Variants in METTL2B observed in about 807,000 individuals in gnomAD.
METTL2B encodes the protein methyltransferase 2B, tRNA N3-cytidine, also known as tRNA N(3)-cytidine methyltransferase METTL2B.
METTL2B carries 28 observed loss-of-function variants against 51.0 expected under a neutral mutation model. The observed-to-expected ratio is 0.55, with a 90% CI of 0.41 to 0.75. The LOEUF (loss-of-function observed/expected upper bound fraction) is 0.75, where lower values mean the gene tolerates loss of function less well. Among genes scored for constraint, METTL2B ranks in the 30% least tolerant of loss-of-function variants. The pLI, the probability that METTL2B is intolerant of heterozygous loss-of-function variation, is 0.00. For missense variants in METTL2B, 313 were observed against 460.7 expected, an observed-to-expected ratio of 0.68 and a Z score of 2.93; for synonymous variants, 128 against 166.3, an observed-to-expected ratio of 0.77 and a Z score of 1.77.
intron 6 of METTL2B, among the ~76,000 whole-genome samples, chr7:128,494,744 C>T (rs1419954985): frequency 6.6e-6 from 1 of 152,164 alleles, no homozygotes; most frequent in Non-Finnish European, 1.5e-5. Context: ...TGTCCTGCCT[C>T]AACCTCCCGA....
rs547570176 is a variant in METTL2B at position 128,501,340 on chromosome 7, C to A, written c.982+372C>A. ...CCCTGGGTTCTAGGGGTGCCGGGAA[C>A]TGCTCTCCTCTGCAACTGGCCCATC... is the stretch of plus-strand genomic sequence containing the variant. On this transcript the variant is annotated intron_variant, in intron 8 of 8. Coordinates refer to ENST00000262432, the MANE Select transcript of METTL2B (RefSeq NM_018396.3). 2.1e-5 allele frequency: 21 copies of A among 985,362 alleles called. No homozygotes were observed. In the African/African-American group the frequency reaches 3.1e-4, roughly 15 times the overall value. 61.0% of individuals were successfully genotyped at this position (985,362 alleles called of 1,614,324 possible). A position where few individuals can be genotyped will look rare whatever the true frequency, so the allele number is the denominator to read the frequency against.
intron 4 of METTL2B, among the ~76,000 whole-genome samples, chr7:128,487,619 A>G (rs959248977): frequency 6.6e-6 from 1 of 152,202 alleles, no homozygotes; most frequent in Non-Finnish European, 1.5e-5. Flanking sequence ...CTAAGATAAT[A>G]CACAATGCAT....
In METTL2B at chr7:128,503,285, A is replaced by G. The variant is rs1219124542; in HGVS notation, c.*1369A>G. Reference sequence around the variant, plus strand: ...ACAGAGGAAGACTCTGTCTCAAAAAAATAAAAGAAAAGAATTTTCACTTTT... The same window carrying G: ...ACAGAGGAAGACTCTGTCTCAAAAAGATAAAAGAAAAGAATTTTCACTTTT... On this transcript the variant is annotated 3_prime_UTR_variant, in exon 9 of 9. Coordinates refer to ENST00000262432, the MANE Select transcript of METTL2B (RefSeq NM_018396.3). The G allele has an allele frequency of 6.6e-6, 1 of 150,546 alleles. No homozygotes were observed. The highest frequency in any genetic ancestry group is 1.5e-5 in the Non-Finnish European group (1 of 68,036). 9.3% of individuals were successfully genotyped at this position (150,546 alleles called of 1,614,324 possible).
At chr7:128,501,214 C>G in intron 8 of METTL2B, 1 of 985,454 alleles carries the variant, frequency 1.0e-6, no homozygotes, top group African/African-American at 1.7e-5. Context: ...CTGCCACTGT[C>G]CAAAATGGGA....
chr7:128,493,066 C>T (rs1422586252), intron 5 of METTL2B, among the ~76,000 whole-genome samples: 3 of 151,982 alleles, frequency 2.0e-5, no homozygotes, highest in East Asian at 1.9e-4. Flanking sequence ...GTAGGGGAGT[C>T]AGGAATGTTC....
Position 128,503,573 on chromosome 7 carries a change from T to G in METTL2B, c.*1657T>G, listed in dbSNP as rs1441689488. 1 of 152,186 alleles carries G rather than the reference T, an allele frequency of 6.6e-6. No individual in the cohort carries two copies. Among genetic ancestry groups the G allele is most frequent in the Non-Finnish European group, 1.5e-5 (1 of 68,046 alleles). The allele number at this position is 152,186 out of a possible 1,614,324, so 9.4% of individuals were successfully genotyped here. A position where few individuals can be genotyped will look rare whatever the true frequency, so the allele number is the denominator to read the frequency against. ...CCTCAGCCTCCTGAGTAGCTAGGAC[T>G]GCAGGTGGGCACCATCATGCCTAGC... On this transcript the variant is annotated 3_prime_UTR_variant, in exon 9 of 9. Transcript: ENST00000262432.
chr7:128,482,301 A>G (rs1048059085), intron 4 of METTL2B, among the ~76,000 whole-genome samples: 3 of 151,964 alleles, frequency 2.0e-5, no homozygotes, highest in East Asian at 3.9e-4. Context: ...TTAAGGGTGC[A>G]TGCCACCACA....
At chr7:128,489,625 A>ATTT (rs1427871191) in intron 5 of METTL2B, among the ~76,000 whole-genome samples, 4 of 102,524 alleles carry the variant, frequency 3.9e-5, no homozygotes, top group Admixed American at 1.3e-4. Context: ...GTGACTGGCA[A>ATTT]TTTCTTTTTT....
chr7:128,498,495 TAA>T (rs906590769), intron 7 of METTL2B, among the ~76,000 whole-genome samples: 1 of 144,212 alleles, frequency 6.9e-6, no homozygotes. Context: ...AGTATAATTT[TAA>T]AAAAAAAAAA....
At chr7:128,496,260 G>A (rs1792921456) in intron 6 of METTL2B, among the ~76,000 whole-genome samples, 1 of 152,082 alleles carries the variant, frequency 6.6e-6, no homozygotes, top group African/African-American at 2.4e-5. Context: ...AATTGCAGAG[G>A]TTGACCAGGC....
chr7:128,488,384 C>A lies in METTL2B; in HGVS notation c.669+223C>A, dbSNP rs928586257. 3 of 729,636 alleles carry A rather than the reference C, an allele frequency of 4.1e-6. No homozygotes were observed. In the Admixed American group the frequency reaches 6.2e-5, roughly 15 times the overall value. The allele number at this position is 729,636 out of a possible 1,614,324, so 45.2% of individuals were successfully genotyped here. On this transcript the variant is annotated intron_variant, in intron 5 of 8. Coordinates refer to ENST00000262432, the MANE Select transcript of METTL2B (RefSeq NM_018396.3). Reference sequence around the variant, plus strand: ...CATATATTGAAAGTCTGTGGCAACCCTGCATCAAGCAAGCCTACCAGTGCC... The same window carrying A: ...CATATATTGAAAGTCTGTGGCAACCATGCATCAAGCAAGCCTACCAGTGCC...
chr7:128,485,538 C>T (rs544032481), intron 4 of METTL2B, among the ~76,000 whole-genome samples: 143 of 152,188 alleles, frequency 9.4e-4, no homozygotes, highest in African/African-American at 3.3e-3. Flanking sequence ...TGGTGGCAGG[C>T]ACCTGTAGTC....
Position 128,504,711 on chromosome 7 carries a change from T to A in METTL2B, c.*2795T>A, listed in dbSNP as rs1793096473. 1.3e-5 allele frequency: 2 copies of A among 150,414 alleles called. No homozygotes were observed. Among genetic ancestry groups the A allele is most frequent in the African/African-American group, 4.9e-5 (2 of 41,098 alleles). 9.3% of individuals were successfully genotyped at this position (150,414 alleles called of 1,614,324 possible). A position where few individuals can be genotyped will look rare whatever the true frequency, so the allele number is the denominator to read the frequency against. On this transcript the variant is annotated 3_prime_UTR_variant, in exon 9 of 9. Transcript: ENST00000262432. ...TAGGCCGGGTGCAGTGGCTCACGCCTGTAATCCCAGCACTTTGGGAGGCCG... is the reference window on the plus strand; with the variant it reads ...TAGGCCGGGTGCAGTGGCTCACGCCAGTAATCCCAGCACTTTGGGAGGCCG...
chr7:128,492,765 T>C (rs1267901642), intron 5 of METTL2B, among the ~76,000 whole-genome samples: 8 of 151,720 alleles, frequency 5.3e-5, no homozygotes, highest in Admixed American at 6.6e-5. Flanking sequence ...TACAGGCACC[T>C]GCCACCACAC....
intron 4 of METTL2B, chr7:128,484,234 T>TTTTTTTTTTTTTTTTG (rs1792656739): frequency 7.9e-6 from 1 of 127,214 alleles, no homozygotes; most frequent in African/African-American, 3.0e-5. Context: ...TTTTTTTTTT[T>TTTTTTTTTTTTTTTTG]TTTTTTTTTT....
intron 5 of METTL2B, 58 bp from the exon 6 acceptor site, chr7:128,493,746 T>C: frequency 1.9e-6 from 3 of 1,539,338 alleles, no homozygotes; most frequent in Admixed American, 2.2e-5. Flanking sequence ...CAAGATAATC[T>C]TTTCTTTGGG....
At chr7:128,496,179 T>C (rs956688043) in intron 6 of METTL2B, among the ~76,000 whole-genome samples, 2 of 152,078 alleles carry the variant, frequency 1.3e-5, no homozygotes, top group Non-Finnish European at 2.9e-5. Context: ...TATCCAACCT[T>C]AGAGGATGAG....
chr7:128,494,630 T>C (rs1414368455), intron 6 of METTL2B, among the ~76,000 whole-genome samples: 1 of 152,174 alleles, frequency 6.6e-6, no homozygotes, highest in African/African-American at 2.4e-5. Flanking sequence ...CCTTTCATTT[T>C]ATTTTATTTT....
chr7:128,477,022 G>A (rs1348350960), intron 1 of METTL2B, 60 bp from the exon 2 acceptor site: 4 of 1,570,354 alleles, frequency 2.5e-6, no homozygotes, highest in Non-Finnish European at 2.6e-6. Flanking sequence ...CTAGGCCAGC[G>A]ACTCACCCTG....
Sources: gnomAD v4.1 joint callset for allele counts (sites outside exome capture counted in the v4.1 genomes callset) on GRCh38, gnomAD v4.1.1 for gene constraint, MANE v1.5 for transcripts, NCBI Gene and HGNC (gene_info 2026-07-23, HGNC 2026-07-21) for gene names.